The following IST1 variants were observed in gnomAD, a reference collection of about 807,000 sequenced individuals.
IST1 encodes IST1 factor associated with ESCRT-III.
Under a neutral mutation model 37.0 loss-of-function variants are expected in IST1, and 23 were observed. That is an observed-to-expected ratio of 0.62 (90% CI 0.45 to 0.88). The LOEUF (loss-of-function observed/expected upper bound fraction) is 0.88. Among genes scored for constraint, IST1 ranks in the 40% least tolerant of loss-of-function variants. The pLI, the probability that IST1 is intolerant of heterozygous loss-of-function variation, is 0.00. For synonymous variants in IST1, 180 were observed against 161.7 expected, an observed-to-expected ratio of 1.11 and a Z score of -0.86; for missense variants, 488 against 445.4, an observed-to-expected ratio of 1.10 and a Z score of -0.86.
chr16:71,930,323 TA>T lies in IST1; in HGVS notation c.*2512del. Reference sequence around the variant, plus strand: ...ACTTAGGGAGAGAGTCAAAAGATAATAAGAAGGAAAATACTTTTAAATGGAC... The same window carrying T: ...ACTTAGGGAGAGAGTCAAAAGATAATAGAAGGAAAATACTTTTAAATGGAC... On this transcript the variant is annotated 3_prime_UTR_variant, in exon 10 of 10. Coordinates refer to ENST00000378799, the MANE Select transcript of IST1 (RefSeq NM_001270975.2). 1 of 833,992 alleles carries T rather than the reference TA, an allele frequency of 1.2e-6. No individual in the cohort carries two copies. Among genetic ancestry groups the T allele is most frequent in the Non-Finnish European group, 1.7e-6 (1 of 583,688 alleles). The allele number at this position is 833,992 out of a possible 1,614,324, so 51.7% of individuals were successfully genotyped here.
intron 4 of IST1, among the ~76,000 whole-genome samples, chr16:71,917,775 C>G (rs562446771): frequency 1.3e-5 from 2 of 152,050 alleles, no homozygotes; most frequent in African/African-American, 4.8e-5. Flanking sequence ...AGGTTTTTTT[C>G]AAGAGCTCTT....
At chr16:71,905,691 C>T (rs1346478755) in intron 1 of IST1, among the ~76,000 whole-genome samples, 2 of 152,180 alleles carry the variant, frequency 1.3e-5, no homozygotes, top group African/African-American at 4.8e-5. Flanking sequence ...AACTTGTTTT[C>T]ATAGGCTACT....
intron 3 of IST1, 146 bp from the exon 4 acceptor site, chr16:71,916,901 C>T (rs555539422): frequency 2.3e-5 from 14 of 605,806 alleles, no homozygotes; most frequent in South Asian, 1.6e-4. Flanking sequence ...AATAAGATCA[C>T]GAAAATGGCT....
intron 1 of IST1, among the ~76,000 whole-genome samples, chr16:71,914,158 CA>C (rs1325093927): frequency 6.8e-6 from 1 of 148,006 alleles, no homozygotes; most frequent in East Asian, 2.0e-4. Context: ...CATTTGAGGA[CA>C]GGGGTTGTAC....
intron 1 of IST1, among the ~76,000 whole-genome samples, chr16:71,900,825 G>T (rs2037091844): frequency 6.6e-6 from 1 of 152,136 alleles, no homozygotes; most frequent in Admixed American, 6.5e-5. Flanking sequence ...GGCTAGGGAA[G>T]CTCTCATTTG....
chr16:71,928,212 C>T lies in IST1; in HGVS notation c.*399C>T, dbSNP rs1442179724. On this transcript the variant is annotated 3_prime_UTR_variant, in exon 10 of 10. Coordinates refer to ENST00000378799, the MANE Select transcript of IST1 (RefSeq NM_001270975.2). ...GCATCCCAGCCTCGTGTTGAGGTTC[C>T]AGACTTAGAAACAGACCCCTCTGTA... The T allele has an allele frequency of 8.1e-6, 2 of 246,394 alleles. No homozygotes were observed. The highest frequency in any genetic ancestry group is 5.2e-5 in the South Asian group (1 of 19,138). The allele number at this position is 246,394 out of a possible 1,614,324, so 15.3% of individuals were successfully genotyped here. A position where few individuals can be genotyped will look rare whatever the true frequency, so the allele number is the denominator to read the frequency against.
In IST1 at chr16:71,928,786, C is replaced by A. The variant is rs1323818130; in HGVS notation, c.*973C>A. On this transcript the variant is annotated 3_prime_UTR_variant, in exon 10 of 10. Coordinates refer to ENST00000378799, the MANE Select transcript of IST1 (RefSeq NM_001270975.2). ...TGCAGCTGTAGTTGTTCACTGCTTT[C>A]CTGGATGGATGGGACTCTTATGTCA... is the stretch of plus-strand genomic sequence containing the variant. The A allele has an allele frequency of 1.3e-5, 2 of 152,222 alleles. No individual in the cohort carries two copies. Among genetic ancestry groups the A allele is most frequent in the African/African-American group, 4.8e-5 (2 of 41,450 alleles). 9.4% of individuals were successfully genotyped at this position (152,222 alleles called of 1,614,324 possible).
intron 1 of IST1, among the ~76,000 whole-genome samples, chr16:71,910,766 T>G (rs1343968179): frequency 6.6e-6 from 1 of 152,128 alleles, no homozygotes; most frequent in Non-Finnish European, 1.5e-5. Flanking sequence ...AATAGAAATA[T>G]TCTTACTCAA....
rs1007644586 is a variant in IST1 at position 71,901,213 on chromosome 16, G to T, written c.-16+5624G>T. On this transcript the variant is annotated intron_variant, in intron 1 of 9. Transcript: ENST00000378799. ...AGATAGTAATTAAGTCAGTCTTTTG[G>T]TTTTTTTTCTTTTTTTTTGAGACGG... 4.6e-5 allele frequency among the ~76,000 whole-genome samples: 7 copies of T among 151,616 alleles called. No individual in the cohort carries two copies. The East Asian group carries it at 5.8e-4, about 13-fold the overall frequency.
intron 8 of IST1, chr16:71,924,329 G>A (rs1442864847): frequency 2.6e-6 from 1 of 388,750 alleles, no homozygotes; most frequent in Non-Finnish European, 5.0e-6. Flanking sequence ...TCAACATGGG[G>A]CTGGGCGGGG....
chr16:71,904,846 C>G (rs1178973416), intron 1 of IST1, among the ~76,000 whole-genome samples: 1 of 152,116 alleles, frequency 6.6e-6, no homozygotes, highest in African/African-American at 2.4e-5. Context: ...CTCACAATAT[C>G]TGTCTTTTAA....
chr16:71,916,548 A>G lies in IST1; in HGVS notation c.175A>G (p.Ile59Val). 4 of 1,613,942 alleles carry G rather than the reference A, an allele frequency of 2.5e-6. No individual in the cohort carries two copies. The highest frequency in any genetic ancestry group is 2.2e-5 in the South Asian group (2 of 91,080). ...ACGAGCTCGGATCCGTGTGGAGCAC[A>G]TTATCCGGGAAGACTACCTCGTGGA... Reference protein sequence around the residue: ...DERARIRVEHIIREDYLVEAM... With the variant: ...DERARIRVEHVIREDYLVEAM... Residue 59 changes from isoleucine (I) to valine (V), a missense_variant, in exon 3 of 10, where the codon ATT becomes GTT. Coordinates refer to ENST00000378799, the MANE Select transcript of IST1 (RefSeq NM_001270975.2).
At position 71,922,643 on chromosome 16, in the gene IST1, C is replaced by A. The variant is rs759903114; in HGVS notation, c.722C>A (p.Ala241Glu). The change falls in exon 7 of 10, where the codon GCA becomes GAA. Residue 241 changes from alanine (A) to glutamate (E), a missense_variant. Ala to Glu is a moderately radical substitution (Grantham distance 107). This residue lies in a region of IST1 where 455 missense variants were observed against 386.2 expected (regional missense o/e 1.18). Transcript: ENST00000378799. ...CCCATGCCCATGCCTATGCCATCTGCAAATACGCCTTTCTCATATCCACTG... is the reference window on the plus strand; with the variant it reads ...CCCATGCCCATGCCTATGCCATCTGAAAATACGCCTTTCTCATATCCACTG... The part of the protein sequence containing the change: ...PMPMPMPMPS[A>E]NTPFSYPLPK... The A allele has an allele frequency of 6.2e-7, 1 of 1,613,716 alleles. No homozygotes were observed. Among genetic ancestry groups the A allele is most frequent in the Non-Finnish European group, 8.5e-7 (1 of 1,179,932 alleles).
At chr16:71,899,035 A>G (rs867619059) in intron 1 of IST1, among the ~76,000 whole-genome samples, 1 of 151,810 alleles carries the variant, frequency 6.6e-6, no homozygotes, top group Non-Finnish European at 1.5e-5. Context: ...TTTTTATCTC[A>G]ATTTTATTGA....
intron 2 of IST1, among the ~76,000 whole-genome samples, chr16:71,916,193 C>G (rs927919400): frequency 6.6e-6 from 1 of 152,136 alleles, no homozygotes; most frequent in Admixed American, 6.6e-5. Context: ...AGACTGAGTA[C>G]CTTTTTTGCA....
chr16:71,899,996 CAAAAAA>C (rs71153680), intron 1 of IST1, among the ~76,000 whole-genome samples: 1 of 117,966 alleles, frequency 8.5e-6, no homozygotes, highest in Non-Finnish European at 1.7e-5. Flanking sequence ...GACTCTGTCT[CAAAAAA>C]AAAAAAAAAA....
At chr16:71,908,444 C>T (rs976508706) in intron 1 of IST1, among the ~76,000 whole-genome samples, 1 of 151,894 alleles carries the variant, frequency 6.6e-6, no homozygotes, top group African/African-American at 2.4e-5. Context: ...GGACTACAGG[C>T]GTGTGCCACC....
chr16:71,899,866 A>G (rs1334491385), intron 1 of IST1, among the ~76,000 whole-genome samples: 1 of 152,072 alleles, frequency 6.6e-6, no homozygotes, highest in African/African-American at 2.4e-5. Context: ...TACTAAAAAT[A>G]TAAAAAATTA....
At chr16:71,905,299 G>T (rs1191140431) in intron 1 of IST1, among the ~76,000 whole-genome samples, 1 of 151,662 alleles carries the variant, frequency 6.6e-6, no homozygotes, top group Non-Finnish European at 1.5e-5. Flanking sequence ...CTCCCAAAGT[G>T]CTGCGATTAT....
Sources: gnomAD v4.1 joint callset for allele counts (sites outside exome capture counted in the v4.1 genomes callset) on GRCh38, gnomAD v4.1.1 for gene constraint, gnomAD v4.1.1 regional missense constraint, MANE v1.5 for transcripts, NCBI Gene and HGNC (gene_info 2026-07-23, HGNC 2026-07-21) for gene names.